The following DPYD variants were observed in gnomAD, a reference collection of about 807,000 sequenced individuals.
DPYD encodes dihydropyrimidine dehydrogenase [NADP(+)].
A neutral mutation model predicts 116.2 loss-of-function variants in DPYD; 109 were observed. That is an observed-to-expected ratio of 0.94 (90% CI 0.80 to 1.10). DPYD has a LOEUF of 1.10. DPYD is among the 50% of genes least tolerant of loss of function. The pLI is 0.00. For missense variants in DPYD, 1,302 were observed against 1,254.5 expected (o/e 1.04, Z -0.57); for synonymous variants, 440 against 432.0 (o/e 1.02, Z -0.23).
At chr1:97,660,147 A>C (rs1659167454) in intron 8 of DPYD, among the ~76,000 whole-genome samples, 1 of 152,126 alleles carries the variant, frequency 6.6e-6, no homozygotes, top group Non-Finnish European at 1.5e-5. Context: ...TTATTTAATG[A>C]CCTGATAGGA....
At chr1:97,169,494 G>C (rs1385936036) in intron 20 of DPYD, among the ~76,000 whole-genome samples, 1 of 137,576 alleles carries the variant, frequency 7.3e-6, no homozygotes, top group Non-Finnish European at 1.6e-5. Context: ...TATGATAATT[G>C]ATTAGATTTT....
At chr1:97,325,064 A>T (rs1668645350) in intron 16 of DPYD, among the ~76,000 whole-genome samples, 1 of 152,068 alleles carries the variant, frequency 6.6e-6, no homozygotes, top group African/African-American at 2.4e-5. Flanking sequence ...GGGGAAAAAA[A>T]TCTTTAAAGT....
chr1:97,249,362 G>A (rs12128564), intron 18 of DPYD, among the ~76,000 whole-genome samples: 16,014 of 151,950 alleles, frequency 0.11, 1,081 homozygotes, highest in South Asian at 0.24. Flanking sequence ...TGTGAGAAAA[G>A]CAGGATATTT....
intron 14 of DPYD, among the ~76,000 whole-genome samples, chr1:97,420,750 A>G (rs1674539500): frequency 6.6e-6 from 1 of 152,120 alleles, no homozygotes. Flanking sequence ...TCAAACTTCA[A>G]AGGTACTGCA....
At chr1:97,655,840 T>G (rs1658871718) in intron 8 of DPYD, among the ~76,000 whole-genome samples, 1 of 152,196 alleles carries the variant, frequency 6.6e-6, no homozygotes, top group African/African-American at 2.4e-5. Context: ...ATATTGACGT[T>G]AAAGGTTCTT....
chr1:97,340,008 C>A (rs1669511084), intron 16 of DPYD, among the ~76,000 whole-genome samples: 1 of 152,012 alleles, frequency 6.6e-6, no homozygotes, highest in African/African-American at 2.4e-5. Context: ...CATTACTGAA[C>A]TGGATATACT....
intron 20 of DPYD, among the ~76,000 whole-genome samples, chr1:97,161,989 G>A (rs1655944532): frequency 6.6e-6 from 1 of 151,802 alleles, no homozygotes. Flanking sequence ...CATTTGGGTT[G>A]GTTCCAAGTC....
At chr1:97,135,961 G>A (rs577399155) in intron 20 of DPYD, among the ~76,000 whole-genome samples, 19 of 152,288 alleles carry the variant, frequency 1.2e-4, no homozygotes, top group South Asian at 8.3e-4. Flanking sequence ...CAGGATCACC[G>A]TTCTTTAAAT....
At chr1:97,646,771 G>C (rs962594074) in intron 8 of DPYD, among the ~76,000 whole-genome samples, 8 of 152,044 alleles carry the variant, frequency 5.3e-5, no homozygotes, top group African/African-American at 1.9e-4. Flanking sequence ...TCCTGCAGAG[G>C]TGGTTATGGT....
At chr1:97,355,779 A>G (rs1670398839) in intron 16 of DPYD, among the ~76,000 whole-genome samples, 1 of 152,170 alleles carries the variant, frequency 6.6e-6, no homozygotes, top group Non-Finnish European at 1.5e-5. Flanking sequence ...AAGGCTGAAT[A>G]GTAGTCCATT....
chr1:97,108,132 A>G (rs975265139), intron 20 of DPYD, among the ~76,000 whole-genome samples: 4 of 152,128 alleles, frequency 2.6e-5, no homozygotes, highest in African/African-American at 9.7e-5. Context: ...AATTTAATAT[A>G]CTTCATCTTC....
chr1:97,108,211 C>A (rs1392755197), intron 20 of DPYD, among the ~76,000 whole-genome samples: 1 of 152,112 alleles, frequency 6.6e-6, no homozygotes, highest in Non-Finnish European at 1.5e-5. Flanking sequence ...ACAGCACTCA[C>A]TTGGGAATTA....
At chr1:97,675,645 A>C (rs987300787) in intron 8 of DPYD, among the ~76,000 whole-genome samples, 11 of 152,214 alleles carry the variant, frequency 7.2e-5, no homozygotes, top group Non-Finnish European at 1.0e-4. Context: ...ATAGTTAATT[A>C]AAAATATTTT....
chr1:97,904,766 A>G (rs1026120115), intron 1 of DPYD, among the ~76,000 whole-genome samples: 6 of 152,014 alleles, frequency 3.9e-5, no homozygotes, highest in Non-Finnish European at 7.4e-5. Context: ...TGAAATATAT[A>G]TGTTAATCAG....
intron 20 of DPYD, among the ~76,000 whole-genome samples, chr1:97,180,240 T>C (rs1657556157): frequency 6.6e-6 from 1 of 152,152 alleles, no homozygotes; most frequent in African/African-American, 2.4e-5. Context: ...TAATTTCTGT[T>C]GACTCTTTAC....
chr1:97,909,863 C>T (rs1274751225), intron 1 of DPYD, among the ~76,000 whole-genome samples: 2 of 152,060 alleles, frequency 1.3e-5, no homozygotes, highest in Admixed American at 6.6e-5. Flanking sequence ...CTTTCAGCTG[C>T]CTACGTGGTA....
intron 3 of DPYD, among the ~76,000 whole-genome samples, chr1:97,756,533 C>T (rs1355175879): frequency 6.6e-6 from 1 of 152,092 alleles, no homozygotes; most frequent in African/African-American, 2.4e-5. Context: ...AGAAGAGAAA[C>T]TTATTTTAAA....
At chr1:97,133,555 G>GTA (rs1401112706) in intron 20 of DPYD, among the ~76,000 whole-genome samples, 1 of 151,634 alleles carries the variant, frequency 6.6e-6, no homozygotes, top group Non-Finnish European at 1.5e-5. Flanking sequence ...ATTTGTTTTG[G>GTA]TATATGGTAT....
chr1:97,382,569 T>C (rs917334946), intron 14 of DPYD, 108 bp from the exon 15 acceptor site: 30 of 618,078 alleles, frequency 4.9e-5, no homozygotes, highest in Middle Eastern at 4.9e-4. Context: ...ATTATAAAAT[T>C]AGTTTTCAAA....
Sources: gnomAD v4.1 joint callset for allele counts (sites outside exome capture counted in the v4.1 genomes callset) on GRCh38, gnomAD v4.1.1 for gene constraint, MANE v1.5 for transcripts, NCBI Gene and HGNC (gene_info 2026-07-23, HGNC 2026-07-21) for gene names.